PRKG2: variants seen among roughly 807,000 people sequenced by gnomAD.
The protein encoded by PRKG2 is cGMP-dependent protein kinase 2.
A neutral mutation model predicts 97.2 loss-of-function variants in PRKG2; 33 were observed. The observed-to-expected ratio is 0.34, with a 90% CI of 0.26 to 0.45. The LOEUF is 0.45. Among genes scored for constraint, PRKG2 ranks in the 20% least tolerant of loss-of-function variants. The pLI is 1.00. For synonymous variants in PRKG2, 330 were observed against 321.8 expected, an observed-to-expected ratio of 1.03 and a Z score of -0.27; for missense variants, 638 against 900.0, an observed-to-expected ratio of 0.71 and a Z score of 3.73.
intron 2 of PRKG2, among the ~76,000 whole-genome samples, chr4:81,191,292 A>G (rs927872479): frequency 2.6e-5 from 4 of 152,180 alleles, no homozygotes; most frequent in African/African-American, 9.7e-5. Flanking sequence ...AGGGACATGG[A>G]TGAAGCTGGA....
At chr4:81,121,927 T>C (rs941026388) in intron 14 of PRKG2, among the ~76,000 whole-genome samples, 11 of 152,324 alleles carry the variant, frequency 7.2e-5, no homozygotes, top group African/African-American at 2.2e-4. Flanking sequence ...TTAATATGTC[T>C]TGTATTATAT....
intron 14 of PRKG2, among the ~76,000 whole-genome samples, chr4:81,127,054 G>A (rs578013640): frequency 6.6e-6 from 1 of 152,292 alleles, no homozygotes; most frequent in East Asian, 1.9e-4. Flanking sequence ...AAGATGTAAG[G>A]AAGGGGTCCA....
rs1487051431 is a variant in PRKG2 at position 81,208,426 on chromosome 4, GTTTT to G, written c.-13-3370_-13-3367del. ...TGTCTTCCACAAGAGTCTTTTGTGG[GTTTT>G]TGTTTGTTTGTTTGTGACAGGGTCT... On this transcript the variant is annotated intron_variant, in intron 1 of 18. Coordinates refer to ENST00000264399, the MANE Select transcript of PRKG2 (RefSeq NM_006259.3). Among the ~76,000 whole-genome samples, 3 of 152,168 alleles carry G rather than the reference GTTTT, an allele frequency of 2.0e-5. No individual in the cohort carries two copies. The East Asian group carries it at 5.8e-4, about 29-fold the overall frequency.
chr4:81,172,861 T>C (rs1040218692), intron 3 of PRKG2, among the ~76,000 whole-genome samples: 3 of 152,036 alleles, frequency 2.0e-5, no homozygotes, highest in Non-Finnish European at 2.9e-5. Context: ...GCCAGAGCCA[T>C]AGAGAGGACA....
At chr4:81,196,069 C>G (rs914157086) in intron 2 of PRKG2, among the ~76,000 whole-genome samples, 1 of 152,132 alleles carries the variant, frequency 6.6e-6, no homozygotes, top group Admixed American at 6.5e-5. Flanking sequence ...AAGTAAGCTG[C>G]CATGCTATGA....
At chr4:81,198,405 A>T (rs751486270) in intron 2 of PRKG2, among the ~76,000 whole-genome samples, 4 of 152,194 alleles carry the variant, frequency 2.6e-5, no homozygotes, top group Non-Finnish European at 5.9e-5. Flanking sequence ...ATGTCAAGGC[A>T]GCTGCCACTT....
intron 8 of PRKG2, 34 bp from the exon 9 acceptor site, chr4:81,148,986 AT>A: frequency 6.3e-7 from 1 of 1,587,820 alleles, no homozygotes. Context: ...AATTTTCACT[AT>A]AATTAGAAAT....
At chr4:81,129,382 A>C (rs145610789) in intron 14 of PRKG2, among the ~76,000 whole-genome samples, 1 of 152,160 alleles carries the variant, frequency 6.6e-6, no homozygotes, top group East Asian at 1.9e-4. Context: ...GGAATATTTA[A>C]AATTCCTGTT....
At chr4:81,179,630 G>A (rs1237433333) in intron 2 of PRKG2, among the ~76,000 whole-genome samples, 1 of 152,054 alleles carries the variant, frequency 6.6e-6, no homozygotes, top group Non-Finnish European at 1.5e-5. Flanking sequence ...TTATTAAAAA[G>A]CAATAATAAT....
intron 9 of PRKG2, among the ~76,000 whole-genome samples, chr4:81,147,453 T>C (rs955754771): frequency 6.6e-6 from 1 of 152,172 alleles, no homozygotes; most frequent in African/African-American, 2.4e-5. Flanking sequence ...TTCACACTTT[T>C]CTAGTCCTAT....
chr4:81,196,763 AAAAGAAAG>A (rs919112721), intron 2 of PRKG2, among the ~76,000 whole-genome samples: 3 of 151,898 alleles, frequency 2.0e-5, no homozygotes, highest in East Asian at 1.9e-4. Context: ...TAGATCTCAA[AAAAGAAAG>A]AAAGAAAGAA....
chr4:81,114,178 A>G (rs1015999107), intron 14 of PRKG2, among the ~76,000 whole-genome samples: 1 of 152,120 alleles, frequency 6.6e-6, no homozygotes, highest in Non-Finnish European at 1.5e-5. Flanking sequence ...AGGTTCTGTA[A>G]CACTTTTTAT....
intron 14 of PRKG2, among the ~76,000 whole-genome samples, chr4:81,131,188 T>A (rs1320371477): frequency 6.7e-6 from 1 of 149,252 alleles, no homozygotes; most frequent in Non-Finnish European, 1.5e-5. Context: ...GGGGCCGGAA[T>A]TCACCATTCC....
chr4:81,203,634 G>A (rs1753451094), intron 2 of PRKG2, among the ~76,000 whole-genome samples: 1 of 152,010 alleles, frequency 6.6e-6, no homozygotes, highest in African/African-American at 2.4e-5. Context: ...TAAGGGAAGG[G>A]AACCCTAACT....
chr4:81,123,184 A>G (rs1225724873), intron 14 of PRKG2, among the ~76,000 whole-genome samples: 2 of 152,352 alleles, frequency 1.3e-5, no homozygotes, highest in East Asian at 1.9e-4. Flanking sequence ...GCAATTGCTC[A>G]TATGTCCTTA....
chr4:81,114,008 A>C (rs1465777868), intron 14 of PRKG2, among the ~76,000 whole-genome samples: 1 of 152,174 alleles, frequency 6.6e-6, no homozygotes, highest in Non-Finnish European at 1.5e-5. Context: ...GTACAGATTC[A>C]GCTGAAATAC....
At chr4:81,214,332 G>A (rs778246717) in intron 1 of PRKG2, among the ~76,000 whole-genome samples, 21 of 151,952 alleles carry the variant, frequency 1.4e-4, no homozygotes, top group Non-Finnish European at 2.5e-4. Flanking sequence ...TAGTTGCACC[G>A]TAGTTCTTCT....
chr4:81,096,664 T>C (rs1742148372), intron 17 of PRKG2, among the ~76,000 whole-genome samples: 1 of 152,226 alleles, frequency 6.6e-6, no homozygotes, highest in South Asian at 2.1e-4. Flanking sequence ...ACAGCATCTT[T>C]GCCAGAAGTA....
At chr4:81,164,864 G>A (rs574228008) in intron 6 of PRKG2, 1 of 152,252 alleles carries the variant, frequency 6.6e-6, no homozygotes, top group East Asian at 1.9e-4. Flanking sequence ...TGACTAACAG[G>A]TGACTTTATG....
Sources: allele counts gnomAD v4.1 joint callset (sites outside exome capture counted in the v4.1 genomes callset), GRCh38; gene constraint gnomAD v4.1.1; transcripts MANE v1.5; gene names NCBI Gene and HGNC (gene_info 2026-07-23, HGNC 2026-07-21).